The following LRP1B variants were observed in gnomAD, a reference collection of about 807,000 sequenced individuals.
The protein encoded by LRP1B is LDL receptor related protein 1B.
In LRP1B, 217 loss-of-function variants were observed where a neutral mutation model predicts 556.6. The observed-to-expected ratio is 0.39, with a 90% confidence interval of 0.35 to 0.44. The LOEUF (loss-of-function observed/expected upper bound fraction) is 0.44, where lower values mean the gene tolerates loss of function less well. LRP1B is among the 20% of genes least tolerant of loss of function. The probability of loss-of-function intolerance (pLI) is 1.00; values close to 1 mark genes in which losing one functional copy is unlikely to be tolerated. For synonymous variants in LRP1B, 2,047 were observed against 1,865.8 expected, an observed-to-expected ratio of 1.10 and a Z score of -2.50; for missense variants, 5,053 against 5,620.8, an observed-to-expected ratio of 0.90 and a Z score of 3.23.
At chr2:141,679,172 TGGTAATAACACACGA>T (rs903422955) in intron 2 of LRP1B, among the ~76,000 whole-genome samples, 1 of 152,102 alleles carries the variant, frequency 6.6e-6, no homozygotes, top group Non-Finnish European at 1.5e-5. Context: ...GACTGAATCC[TGGTAATAACACACGA>T]GTAAGCCTGG....
chr2:141,922,292 G>T (rs1407109166), intron 1 of LRP1B, among the ~76,000 whole-genome samples: 2 of 152,142 alleles, frequency 1.3e-5, no homozygotes, highest in African/African-American at 2.4e-5. Flanking sequence ...CTGCTTACCT[G>T]CTCTAAACCA....
At chr2:141,711,952 G>GAC (rs3039230) in intron 2 of LRP1B, among the ~76,000 whole-genome samples, 46,641 of 148,232 alleles carry the variant, frequency 0.31, 7,516 homozygotes, top group South Asian at 0.42. Flanking sequence ...AACACACACA[G>GAC]ACACACACAC....
chr2:140,301,158 C>T (rs1683801927), intron 83 of LRP1B, among the ~76,000 whole-genome samples: 1 of 151,952 alleles, frequency 6.6e-6, no homozygotes, highest in African/African-American at 2.4e-5. Flanking sequence ...GTCTTTCTTC[C>T]CCCTTTAGCT....
At chr2:141,538,862 C>T (rs1241203467) in intron 2 of LRP1B, among the ~76,000 whole-genome samples, 1 of 151,930 alleles carries the variant, frequency 6.6e-6, no homozygotes. Flanking sequence ...TGGTCTTGAA[C>T]TCATAACCTC....
chr2:140,469,016 A>G (rs1687660996), intron 60 of LRP1B, among the ~76,000 whole-genome samples: 1 of 152,196 alleles, frequency 6.6e-6, no homozygotes, highest in Non-Finnish European at 1.5e-5. Flanking sequence ...AGAAGACTAT[A>G]GACTTTTGAG....
chr2:141,258,835 C>T (rs1200243373), intron 3 of LRP1B, among the ~76,000 whole-genome samples: 1 of 152,114 alleles, frequency 6.6e-6, no homozygotes, highest in Non-Finnish European at 1.5e-5. Context: ...TTTTGGCTTC[C>T]ACCACGATTG....
At chr2:141,430,750 CT>C (rs1466573771) in intron 3 of LRP1B, among the ~76,000 whole-genome samples, 1 of 152,046 alleles carries the variant, frequency 6.6e-6, no homozygotes, top group African/African-American at 2.4e-5. Context: ...AAGCCCTTGC[CT>C]TTTGGTTATA....
chr2:140,479,011 T>C (rs1342604841), intron 59 of LRP1B, among the ~76,000 whole-genome samples: 1 of 152,022 alleles, frequency 6.6e-6, no homozygotes, highest in African/African-American at 2.4e-5. Context: ...ATGTAAGTTA[T>C]TACATGATTT....
At chr2:142,009,887 A>G (rs530006871) in intron 1 of LRP1B, among the ~76,000 whole-genome samples, 10 of 152,184 alleles carry the variant, frequency 6.6e-5, no homozygotes, top group Admixed American at 2.6e-4. Flanking sequence ...ATATATACAT[A>G]TATGTACATT....
At position 142,043,655 on chromosome 2, in the gene LRP1B, C is replaced by T. The variant is rs148359660; in HGVS notation, c.82+86993G>A. The stretch of plus-strand genomic sequence containing the variant: ...ATTGATCAACTTTATTTTTCCTGTG[C>T]TGTGAAAATCAGCTGTCAGTCCGTT... On this transcript the variant is annotated intron_variant, in intron 1 of 90. Transcript: ENST00000389484. Among the ~76,000 whole-genome samples the T allele has an allele frequency of 1.9e-3, 294 of 151,770 alleles. 1 individual carries two copies. The highest frequency in any genetic ancestry group is 6.9e-3 in the African/African-American group (285 of 41,480).
chr2:140,290,915 G>A (rs1416641972), intron 84 of LRP1B, among the ~76,000 whole-genome samples: 1 of 151,916 alleles, frequency 6.6e-6, no homozygotes, highest in Admixed American at 6.6e-5. Context: ...TAAAAGCTGT[G>A]GTTCCTATGC....
chr2:140,608,278 A>C (rs1438405065), intron 41 of LRP1B, among the ~76,000 whole-genome samples: 2 of 152,186 alleles, frequency 1.3e-5, no homozygotes, highest in Non-Finnish European at 2.9e-5. Flanking sequence ...AGAATATATA[A>C]TGGAAAGAGG....
intron 43 of LRP1B, among the ~76,000 whole-genome samples, chr2:140,573,439 G>A (rs1467849391): frequency 6.6e-6 from 1 of 151,696 alleles, no homozygotes; most frequent in African/African-American, 2.4e-5. Flanking sequence ...GAAATCAAAC[G>A]ATTTAAAGAT....
At chr2:141,069,809 T>C (rs1471308461) in intron 7 of LRP1B, among the ~76,000 whole-genome samples, 1 of 152,024 alleles carries the variant, frequency 6.6e-6, no homozygotes, top group Non-Finnish European at 1.5e-5. Flanking sequence ...ACCCTTCTTT[T>C]ATTATTATTA....
intron 86 of LRP1B, among the ~76,000 whole-genome samples, chr2:140,268,176 C>T (rs1472892125): frequency 6.6e-6 from 1 of 151,838 alleles, no homozygotes; most frequent in Non-Finnish European, 1.5e-5. Flanking sequence ...GTACCTGAAT[C>T]CATTTTTGGT....
chr2:141,815,730 C>G (rs188017672), intron 1 of LRP1B, among the ~76,000 whole-genome samples: 1 of 152,212 alleles, frequency 6.6e-6, no homozygotes, highest in Non-Finnish European at 1.5e-5. Flanking sequence ...CAGCAGCAAC[C>G]TCCTTGGATC....
chr2:140,896,311 T>C (rs932869995), intron 23 of LRP1B, among the ~76,000 whole-genome samples: 43 of 151,980 alleles, frequency 2.8e-4, no homozygotes, highest in Non-Finnish European at 5.6e-4. Flanking sequence ...TTATGAAATA[T>C]CATTTTATAT....
intron 1 of LRP1B, among the ~76,000 whole-genome samples, chr2:141,965,959 A>G (rs1701554268): frequency 6.6e-6 from 1 of 151,766 alleles, no homozygotes; most frequent in Non-Finnish European, 1.5e-5. Context: ...AAATGAATAT[A>G]TTGTCTCATC....
At chr2:141,049,356 A>G in intron 10 of LRP1B, 134 bp from the exon 11 acceptor site, 1 of 661,870 alleles carries the variant, frequency 1.5e-6, no homozygotes, top group Non-Finnish European at 2.7e-6. Flanking sequence ...AAAATATGCC[A>G]AATGTATCTT....
Sources: gnomAD v4.1 joint callset for allele counts (sites outside exome capture counted in the v4.1 genomes callset) on GRCh38, gnomAD v4.1.1 for gene constraint, MANE v1.5 for transcripts, NCBI Gene and HGNC (gene_info 2026-07-23, HGNC 2026-07-21) for gene names.